Variants in NELL2 observed in about 807,000 individuals in gnomAD.
The protein encoded by NELL2 is neural EGFL like 2.
In NELL2, 41 loss-of-function variants were observed where a neutral mutation model predicts 109.6. That is an observed-to-expected ratio of 0.37 (90% CI 0.29 to 0.49). The LOEUF (loss-of-function observed/expected upper bound fraction) is 0.49. Among genes scored for constraint, NELL2 ranks in the 20% least tolerant of loss-of-function variants. The pLI, the probability that NELL2 is intolerant of heterozygous loss-of-function variation, is 0.98. For synonymous variants in NELL2, 355 were observed against 344.7 expected, an observed-to-expected ratio of 1.03 and a Z score of -0.33; for missense variants, 900 against 1,008.3, an observed-to-expected ratio of 0.89 and a Z score of 1.45.
intron 3 of NELL2, among the ~76,000 whole-genome samples, chr12:44,789,492 T>C (rs189047638): frequency 6.6e-6 from 1 of 152,130 alleles, no homozygotes; most frequent in East Asian, 1.9e-4. Flanking sequence ...GCCCTAGACC[T>C]TCCCTCTGAC....
chr12:44,890,157 A>C (rs1232631768), intron 1 of NELL2, among the ~76,000 whole-genome samples: 1 of 152,152 alleles, frequency 6.6e-6, no homozygotes, highest in Non-Finnish European at 1.5e-5. Flanking sequence ...CTCTATCTCC[A>C]GCTTGACAGT....
intron 1 of NELL2, among the ~76,000 whole-genome samples, chr12:44,899,622 A>C (rs1009825236): frequency 2.0e-5 from 3 of 152,322 alleles, no homozygotes; most frequent in Middle Eastern, 3.4e-3. Flanking sequence ...AACACTAAAT[A>C]TGGAAAGGAA....
At chr12:44,560,291 TTCAAAAGCTA>T (rs1238480136) in intron 15 of NELL2, among the ~76,000 whole-genome samples, 1 of 151,878 alleles carries the variant, frequency 6.6e-6, no homozygotes, top group African/African-American at 2.4e-5. Context: ...AGCAAACAAA[TTCAAAAGCTA>T]GCAGAAGACA....
intron 12 of NELL2, among the ~76,000 whole-genome samples, chr12:44,676,848 T>C (rs922544629): frequency 6.6e-6 from 1 of 151,416 alleles, no homozygotes; most frequent in Admixed American, 6.6e-5. Context: ...GATTTGTCCA[T>C]ATAATAGTTT....
At chr12:44,859,580 T>A (rs537858449) in intron 2 of NELL2, among the ~76,000 whole-genome samples, 1 of 152,130 alleles carries the variant, frequency 6.6e-6, no homozygotes, top group East Asian at 1.9e-4. Flanking sequence ...TATCACACCA[T>A]AAAGCCTTGT....
chr12:44,683,592 C>T (rs938136659), intron 12 of NELL2, among the ~76,000 whole-genome samples: 3 of 151,816 alleles, frequency 2.0e-5, no homozygotes, highest in African/African-American at 7.3e-5. Flanking sequence ...GAGATACGTC[C>T]CATCAATACC....
chr12:44,692,808 C>T (rs924554960), intron 12 of NELL2, among the ~76,000 whole-genome samples: 1 of 152,098 alleles, frequency 6.6e-6, no homozygotes, highest in African/African-American at 2.4e-5. Context: ...GAAGATGTGA[C>T]TGAATTGCTG....
chr12:44,890,945 G>C (rs1424664773), intron 1 of NELL2, among the ~76,000 whole-genome samples: 1 of 152,134 alleles, frequency 6.6e-6, no homozygotes, highest in African/African-American at 2.4e-5. Context: ...AGCAAGGCTG[G>C]TCTTGAACTC....
Position 44,779,648 on chromosome 12 carries a change from T to C in NELL2, c.606+15A>G, listed in dbSNP as rs1490436071. On this transcript the variant is annotated intron_variant, in intron 5 of 19. Transcript: ENST00000429094. ...AGCATTTACATTTCATTCTCAGACTTTTGCCAAAAGATACCTTAAAATATC... is the reference window on the plus strand; with the variant it reads ...AGCATTTACATTTCATTCTCAGACTCTTGCCAAAAGATACCTTAAAATATC... The C allele has an allele frequency of 6.2e-7, 1 of 1,602,196 alleles. No homozygotes were observed. The highest frequency in any genetic ancestry group is 2.2e-5 in the East Asian group (1 of 44,794).
intron 12 of NELL2, among the ~76,000 whole-genome samples, chr12:44,689,560 C>T (rs1657986252): frequency 6.6e-6 from 1 of 152,184 alleles, no homozygotes; most frequent in Non-Finnish European, 1.5e-5. Context: ...ATACATTTCT[C>T]TTCACCCTTG....
intron 9 of NELL2, among the ~76,000 whole-genome samples, chr12:44,758,133 G>T (rs528833265): frequency 6.6e-6 from 1 of 152,132 alleles, no homozygotes; most frequent in South Asian, 2.1e-4. Flanking sequence ...AATCTAAAGA[G>T]ACTGTCCCAG....
At chr12:44,723,405 A>G (rs1194642303) in intron 9 of NELL2, among the ~76,000 whole-genome samples, 3 of 152,162 alleles carry the variant, frequency 2.0e-5, no homozygotes, top group Non-Finnish European at 4.4e-5. Flanking sequence ...TTTTTATCCT[A>G]TGTTATCTGA....
At chr12:44,638,609 C>T (rs1035138030) in intron 13 of NELL2, among the ~76,000 whole-genome samples, 1 of 152,136 alleles carries the variant, frequency 6.6e-6, no homozygotes, top group African/African-American at 2.4e-5. Flanking sequence ...CTATGGGATG[C>T]TTTGCAGATA....
intron 9 of NELL2, among the ~76,000 whole-genome samples, chr12:44,761,422 G>T (rs1941121013): frequency 6.6e-6 from 1 of 152,168 alleles, no homozygotes. Context: ...TTTATACATT[G>T]TTAGTGGGAA....
intron 15 of NELL2, among the ~76,000 whole-genome samples, chr12:44,534,344 T>G (rs1592081253): frequency 6.6e-6 from 1 of 152,284 alleles, no homozygotes; most frequent in South Asian, 2.1e-4. Flanking sequence ...TATATTGCTG[T>G]AATATTTCAG....
At chr12:44,758,211 C>T (rs1169611396) in intron 9 of NELL2, among the ~76,000 whole-genome samples, 2 of 152,032 alleles carry the variant, frequency 1.3e-5, no homozygotes, top group Non-Finnish European at 2.9e-5. Context: ...ATTTTTTATC[C>T]TCAAACTATT....
Position 44,607,226 on chromosome 12 carries a change from T to C in NELL2, c.1606A>G (p.Ile536Val), listed in dbSNP as rs1808384566. The change falls in exon 15 of 20, where the codon ATT (isoleucine) becomes GTT (valine). Residue 536 changes from isoleucine (I) to valine (V), a missense_variant. This residue lies in a region of NELL2 where 333 missense variants were observed against 432.3 expected (regional missense o/e 0.77). Coordinates refer to ENST00000429094, the MANE Select transcript of NELL2 (RefSeq NM_001145108.2). ...GGGCAGGCACACACATTAGCGGCAATACAGGCTCCTCCATTCCTACAGCCA... is the reference window on the plus strand; with the variant it reads ...GGGCAGGCACACACATTAGCGGCAACACAGGCTCCTCCATTCCTACAGCCA... The part of the protein sequence containing the change: ...KDGCRNGGAC[I>V]AANVCACPQG... The C allele has an allele frequency of 6.2e-7, 1 of 1,612,796 alleles. No homozygotes were observed. The highest frequency in any genetic ancestry group is 8.5e-7 in the Non-Finnish European group (1 of 1,179,234).
chr12:44,803,877 A>C (rs917351582), intron 3 of NELL2, among the ~76,000 whole-genome samples: 1 of 152,006 alleles, frequency 6.6e-6, no homozygotes, highest in Non-Finnish European at 1.5e-5. Flanking sequence ...GCTAGTTTTC[A>C]GATGTTATAT....
intron 15 of NELL2, among the ~76,000 whole-genome samples, chr12:44,539,530 G>C (rs960387521): frequency 2.0e-5 from 3 of 151,862 alleles, no homozygotes; most frequent in Non-Finnish European, 4.4e-5. Flanking sequence ...TATTTTGCCT[G>C]AACTTATTCC....
Sources: allele counts gnomAD v4.1 joint callset (sites outside exome capture counted in the v4.1 genomes callset), GRCh38; gene constraint gnomAD v4.1.1; regional missense constraint gnomAD v4.1.1; transcripts MANE v1.5; gene names NCBI Gene and HGNC (gene_info 2026-07-23, HGNC 2026-07-21).